The following B4GALT6 variants were observed in gnomAD, a reference collection of about 807,000 sequenced individuals.
The protein encoded by B4GALT6 is beta-1,4-galactosyltransferase 6.
B4GALT6 carries 14 observed loss-of-function variants against 46.3 expected under a neutral mutation model. That is an observed-to-expected ratio of 0.30 (90% CI 0.20 to 0.47). The LOEUF is 0.47. Ranked by LOEUF, B4GALT6 falls within the 20% of genes least tolerant of loss-of-function variation. The pLI, the probability that B4GALT6 is intolerant of heterozygous loss-of-function variation, is 0.99. For missense variants in B4GALT6, 386 were observed against 480.1 expected, an observed-to-expected ratio of 0.80 and a Z score of 1.83; for synonymous variants, 168 against 162.0, an observed-to-expected ratio of 1.04 and a Z score of -0.28.
chr18:31,630,923 T>C (rs368857613), intron 6 of B4GALT6, 36 bp downstream of exon 6: 1 of 1,601,754 alleles, frequency 6.2e-7, no homozygotes, highest in Non-Finnish European at 8.5e-7. Context: ...TGTGCAATTA[T>C]ATCGTACAAT....
chr18:31,671,055 A>G (rs1468881825), intron 1 of B4GALT6, among the ~76,000 whole-genome samples: 1 of 152,138 alleles, frequency 6.6e-6, no homozygotes, highest in Non-Finnish European at 1.5e-5. Context: ...AGCTTCATCC[A>G]TGTCCCTGCA....
chr18:31,699,279 T>TTC, the B4GALT6 span, among the ~76,000 whole-genome samples: 30 of 150,822 alleles, frequency 2.0e-4, no homozygotes, highest in African/African-American at 6.5e-4. Context: ...TCTTTCTTTT[T>TTC]TTTTTTTTTT....
chr18:31,710,750 A>T, the B4GALT6 span, among the ~76,000 whole-genome samples: 3 of 151,750 alleles, frequency 2.0e-5, no homozygotes, highest in African/African-American at 7.3e-5. Flanking sequence ...CCCCAGAAAA[A>T]CTAACGCACC....
At chr18:31,678,705 T>C (rs1002773033) in intron 1 of B4GALT6, among the ~76,000 whole-genome samples, 4 of 152,200 alleles carry the variant, frequency 2.6e-5, no homozygotes. Flanking sequence ...TCTCCAAATA[T>C]GGACAACGCG....
intron 6 of B4GALT6, among the ~76,000 whole-genome samples, chr18:31,627,909 C>A (rs2073721713): frequency 6.6e-6 from 1 of 152,170 alleles, no homozygotes. Context: ...GAAACACGCC[C>A]CTGGGGAGCA....
At position 31,638,806 on chromosome 18, in the gene B4GALT6, A is replaced by T. The variant is rs116995051; in HGVS notation, c.472-46T>A. 9,080 of 1,419,334 alleles carry T rather than the reference A, an allele frequency of 6.4e-3. 39 individuals carry two copies. The highest frequency in any genetic ancestry group is 8.1e-3 in the Non-Finnish European group (8,215 of 1,008,298). 87.9% of individuals were successfully genotyped at this position (1,419,334 alleles called of 1,614,324 possible). ...GTATGTAAATAAATATATCTACCAC[A>T]TCCTAGAGGTAAGGATAAAAATCAA... is the stretch of plus-strand genomic sequence containing the variant. On this transcript the variant is annotated intron_variant, in intron 4 of 8. Transcript: ENST00000306851.
intron 3 of B4GALT6, among the ~76,000 whole-genome samples, chr18:31,647,267 G>C (rs1163049652): frequency 6.6e-6 from 1 of 152,108 alleles, no homozygotes; most frequent in African/African-American, 2.4e-5. Flanking sequence ...CTTTTTTCCA[G>C]CTTTATTGCT....
At chr18:31,688,906 T>G (rs919107291), upstream of B4GALT6, among the ~76,000 whole-genome samples, 4 of 152,208 alleles carry the variant, frequency 2.6e-5, no homozygotes, top group Admixed American at 6.5e-5. Flanking sequence ...CCTATCAGGG[T>G]AAGTGTTTTC....
At chr18:31,669,684 A>C (rs924988553) in intron 1 of B4GALT6, among the ~76,000 whole-genome samples, 2 of 152,234 alleles carry the variant, frequency 1.3e-5, no homozygotes, top group African/African-American at 4.8e-5. Context: ...AATAGAAGAC[A>C]AGCTAACATT....
the B4GALT6 span, among the ~76,000 whole-genome samples, chr18:31,710,494 G>A: frequency 2.6e-5 from 4 of 152,130 alleles, no homozygotes; most frequent in Admixed American, 6.6e-5. Context: ...TTACATCAGA[G>A]GAGAAGGCAA....
chr18:31,710,902 C>T, the B4GALT6 span, among the ~76,000 whole-genome samples: 1 of 149,556 alleles, frequency 6.7e-6, no homozygotes, highest in East Asian at 2.0e-4. Flanking sequence ...AATCCTACTT[C>T]TATGACCTGT....
chr18:31,677,973 C>T (rs2144734814), intron 1 of B4GALT6, among the ~76,000 whole-genome samples: 1 of 152,308 alleles, frequency 6.6e-6, no homozygotes, highest in African/African-American at 2.4e-5. Flanking sequence ...TCACCTCAGC[C>T]TCCCCTCCTA....
intron 3 of B4GALT6, among the ~76,000 whole-genome samples, chr18:31,656,345 A>G (rs533421108): frequency 6.6e-6 from 1 of 152,190 alleles, no homozygotes; most frequent in East Asian, 1.9e-4. Flanking sequence ...TTAAATCTTT[A>G]TATCAAATCC....
At chr18:31,712,799 C>T in the B4GALT6 span, among the ~76,000 whole-genome samples, 1 of 152,116 alleles carries the variant, frequency 6.6e-6, no homozygotes, top group Non-Finnish European at 1.5e-5. Context: ...TGGTTCCTTT[C>T]CAATTCCAAA....
At position 31,684,233 on chromosome 18, in the gene B4GALT6, T is replaced by C; in HGVS notation, c.115+79A>G. ...GGCCCCTGTTTGAACAGCTTCCAAA[T>C]CCCAGAAGTAACATCGGATAACAGC... On this transcript the variant is annotated intron_variant, in intron 1 of 8. Coordinates refer to ENST00000306851, the MANE Select transcript of B4GALT6 (RefSeq NM_004775.5). 1.9e-6 allele frequency: 3 copies of C among 1,593,814 alleles called. No homozygotes were observed. In the South Asian group the frequency reaches 3.3e-5, roughly 18 times the overall value.
At chr18:31,670,143 T>G (rs927638635) in intron 1 of B4GALT6, among the ~76,000 whole-genome samples, 1 of 151,826 alleles carries the variant, frequency 6.6e-6, no homozygotes, top group South Asian at 2.1e-4. Context: ...AACCTCCACC[T>G]CCTGGGCTCA....
chr18:31,688,262 T>TATATATATATATATACAC (rs1555643347), upstream of B4GALT6, among the ~76,000 whole-genome samples: 58 of 116,834 alleles, frequency 5.0e-4, no homozygotes, highest in African/African-American at 1.8e-3. Flanking sequence ...TATATATACA[T>TATATATATATATATACAC]ATATATATAT....
At chr18:31,664,610 C>T (rs1420603102) in intron 2 of B4GALT6, among the ~76,000 whole-genome samples, 2 of 150,262 alleles carry the variant, frequency 1.3e-5, no homozygotes, top group East Asian at 2.0e-4. Flanking sequence ...TCAAGCTCAA[C>T]ATCCACACAT....
intron 2 of B4GALT6, among the ~76,000 whole-genome samples, chr18:31,661,538 G>A (rs79978006): frequency 8.4e-4 from 128 of 151,562 alleles, no homozygotes; most frequent in African/African-American, 2.9e-3. Context: ...GTGCGCTCTC[G>A]CTCTCTCTCA....
Sources: allele counts gnomAD v4.1 joint callset (sites outside exome capture counted in the v4.1 genomes callset), GRCh38; gene constraint gnomAD v4.1.1; transcripts MANE v1.5; gene names NCBI Gene and HGNC (gene_info 2026-07-23, HGNC 2026-07-21).